The following DPYD variants were observed in gnomAD, a reference collection of about 807,000 sequenced individuals.
DPYD encodes dihydropyrimidine dehydrogenase, also known as dihydropyrimidine dehydrogenase [NADP(+)].
DPYD carries 109 observed loss-of-function variants against 116.2 expected under a neutral mutation model. The ratio of observed to expected loss-of-function variants is 0.94; its 90% CI spans 0.80 to 1.10. DPYD has a LOEUF of 1.10. Among genes scored for constraint, DPYD ranks in the 50% least tolerant of loss-of-function variants. The pLI is 0.00. For synonymous variants in DPYD, 440 were observed against 432.0 expected, an observed-to-expected ratio of 1.02 and a Z score of -0.23; for missense variants, 1,302 against 1,254.5, an observed-to-expected ratio of 1.04 and a Z score of -0.57.
In DPYD at chr1:97,446,338, C is replaced by T. The variant is rs1245065989; in HGVS notation, c.1905+3721G>A. 2.0e-5 allele frequency among the ~76,000 whole-genome samples: 3 copies of T among 152,114 alleles called. No individual in the cohort carries two copies. The East Asian group carries it at 5.8e-4, about 29-fold the overall frequency. ...ATTCTGGAAAGAGGCTCCCAAGCTTCGCCAGAGTGCCTAAGGAGTCCCTGG... is the reference window on the plus strand; with the variant it reads ...ATTCTGGAAAGAGGCTCCCAAGCTTTGCCAGAGTGCCTAAGGAGTCCCTGG... On this transcript the variant is annotated intron_variant, in intron 14 of 22. Coordinates refer to ENST00000370192, the MANE Select transcript of DPYD (RefSeq NM_000110.4).
At chr1:97,564,298 CA>C (rs1489471613) in intron 11 of DPYD, among the ~76,000 whole-genome samples, 2 of 152,098 alleles carry the variant, frequency 1.3e-5, no homozygotes, top group Non-Finnish European at 2.9e-5. Context: ...ATCAGGAAAT[CA>C]ACAGTAACAA....
intron 8 of DPYD, among the ~76,000 whole-genome samples, chr1:97,632,129 TA>T (rs1657301092): frequency 6.6e-6 from 1 of 152,076 alleles, no homozygotes; most frequent in Admixed American, 6.6e-5. Flanking sequence ...CAGGTTTTCA[TA>T]AGGAAGCTGT....
At chr1:97,095,262 G>A (rs1164963805) in intron 21 of DPYD, among the ~76,000 whole-genome samples, 3 of 152,042 alleles carry the variant, frequency 2.0e-5, no homozygotes, top group African/African-American at 7.2e-5. Context: ...GAAAAGTTTT[G>A]GAAAACTTTG....
intron 18 of DPYD, among the ~76,000 whole-genome samples, chr1:97,286,312 T>A (rs1665676806): frequency 1.3e-5 from 2 of 152,234 alleles, no homozygotes; most frequent in African/African-American, 2.4e-5. Flanking sequence ...TGGGCTTCCC[T>A]TTGTGGGTAT....
intron 5 of DPYD, among the ~76,000 whole-genome samples, chr1:97,719,165 CAAAAAAAAAAAA>C (rs1005459699): frequency 1.5e-4 from 7 of 48,200 alleles, no homozygotes; most frequent in African/African-American, 4.3e-4. Context: ...CCAACCCTGC[CAAAAAAAAAAAA>C]AAAAAAAAAA....
chr1:97,117,168 A>C (rs1327627143), intron 20 of DPYD, among the ~76,000 whole-genome samples: 1 of 152,054 alleles, frequency 6.6e-6, no homozygotes, highest in African/African-American at 2.4e-5. Context: ...CATAAAAAAA[A>C]AATGCAACTC....
At chr1:97,579,872 G>A (rs1301937960) in intron 10 of DPYD, among the ~76,000 whole-genome samples, 1 of 152,052 alleles carries the variant, frequency 6.6e-6, no homozygotes, top group Non-Finnish European at 1.5e-5. Context: ...ACAGTAGTGG[G>A]AAAGTTAAAA....
chr1:97,323,354 A>G (rs1474440820), intron 16 of DPYD, among the ~76,000 whole-genome samples: 1 of 129,278 alleles, frequency 7.7e-6, no homozygotes, highest in African/African-American at 3.0e-5. Flanking sequence ...ACATGTGTAT[A>G]TGTACACGTA....
chr1:97,583,974 C>T (rs557628488), intron 10 of DPYD, among the ~76,000 whole-genome samples: 7 of 152,214 alleles, frequency 4.6e-5, no homozygotes, highest in African/African-American at 1.4e-4. Context: ...TTCTAGATCC[C>T]TGAGGAATAG....
intron 14 of DPYD, among the ~76,000 whole-genome samples, chr1:97,407,274 A>G (rs978825389): frequency 2.6e-5 from 4 of 152,222 alleles, no homozygotes; most frequent in African/African-American, 9.6e-5. Flanking sequence ...ATTTAAGCAC[A>G]TGGGTGTTGT....
chr1:97,137,254 C>T (rs891959651), intron 20 of DPYD, among the ~76,000 whole-genome samples: 2 of 152,220 alleles, frequency 1.3e-5, no homozygotes, highest in African/African-American at 4.8e-5. Flanking sequence ...CAGTGCCACA[C>T]AACCCCACAA....
chr1:97,704,541 T>A (rs577488732), intron 5 of DPYD, among the ~76,000 whole-genome samples: 36 of 152,124 alleles, frequency 2.4e-4, no homozygotes, highest in African/African-American at 8.7e-4. Context: ...TCAAAAATAA[T>A]ATTTTTCATT....
intron 2 of DPYD, among the ~76,000 whole-genome samples, chr1:97,852,284 T>A (rs1452901624): frequency 3.3e-5 from 5 of 152,076 alleles, no homozygotes; most frequent in Non-Finnish European, 7.4e-5. Context: ...AACATAACAG[T>A]GCTTATTATG....
At chr1:97,189,506 C>T (rs566292492) in intron 20 of DPYD, among the ~76,000 whole-genome samples, 27 of 152,134 alleles carry the variant, frequency 1.8e-4, no homozygotes, top group Non-Finnish European at 3.5e-4. Context: ...GTTCAAATAT[C>T]GGACTGTCCA....
chr1:97,500,889 C>T (rs1679538599), intron 13 of DPYD, among the ~76,000 whole-genome samples: 2 of 152,080 alleles, frequency 1.3e-5, no homozygotes, highest in Non-Finnish European at 2.9e-5. Context: ...ATTATACAAG[C>T]TGCTTCCCAG....
intron 19 of DPYD, among the ~76,000 whole-genome samples, chr1:97,204,398 T>C (rs1008412854): frequency 3.9e-5 from 6 of 152,148 alleles, no homozygotes; most frequent in Non-Finnish European, 5.9e-5. Flanking sequence ...TACTGGAACA[T>C]GGTTACAGAC....
chr1:97,719,269 T>C (rs1480329075), intron 5 of DPYD, among the ~76,000 whole-genome samples: 1 of 150,682 alleles, frequency 6.6e-6, no homozygotes, highest in East Asian at 1.9e-4. Context: ...CCAAATCACA[T>C]GCTCATGTTA....
intron 20 of DPYD, among the ~76,000 whole-genome samples, chr1:97,130,519 T>G (rs1653196874): frequency 6.6e-6 from 1 of 152,164 alleles, no homozygotes; most frequent in Non-Finnish European, 1.5e-5. Context: ...CTCCCTTTAT[T>G]AGGGATATCA....
At chr1:97,314,089 T>C (rs1448647157) in intron 16 of DPYD, among the ~76,000 whole-genome samples, 1 of 151,974 alleles carries the variant, frequency 6.6e-6, no homozygotes, top group East Asian at 1.9e-4. Context: ...AAACAGTCTT[T>C]TGATGCTCTC....
Sources: gnomAD v4.1 joint callset for allele counts (sites outside exome capture counted in the v4.1 genomes callset) on GRCh38, gnomAD v4.1.1 for gene constraint, MANE v1.5 for transcripts, NCBI Gene and HGNC (gene_info 2026-07-23, HGNC 2026-07-21) for gene names.